Variants in SCAF8 observed in about 807,000 individuals in gnomAD.
SCAF8 encodes SR-related CTD associated factor 8, also known as SR-related and CTD-associated factor 8.
A neutral mutation model predicts 140.5 loss-of-function variants in SCAF8; 23 were observed. The ratio of observed to expected loss-of-function variants is 0.16; its 90% CI spans 0.12 to 0.23. The LOEUF (loss-of-function observed/expected upper bound fraction) is 0.23, where lower values mean the gene tolerates loss of function less well. Among genes scored for constraint, SCAF8 ranks in the 10% least tolerant of loss-of-function variants. The pLI is 1.00. For missense variants in SCAF8, 1,397 were observed against 1,555.7 expected, an observed-to-expected ratio of 0.90 and a Z score of 1.72; for synonymous variants, 575 against 528.9, an observed-to-expected ratio of 1.09 and a Z score of -1.20.
intron 3 of SCAF8, among the ~76,000 whole-genome samples, chr6:154,782,945 A>G (rs1034164963): frequency 7.2e-5 from 11 of 152,220 alleles, no homozygotes; most frequent in African/African-American, 2.7e-4. Context: ...TCACAGACAC[A>G]TCCAAGATCA....
intron 18 of SCAF8, 55 bp from the exon 19 acceptor site, chr6:154,830,867 T>G: frequency 7.4e-7 from 1 of 1,355,706 alleles, no homozygotes; most frequent in Non-Finnish European, 1.1e-6. Context: ...CCAGAAAACT[T>G]AGCACATGAA....
intron 12 of SCAF8, among the ~76,000 whole-genome samples, chr6:154,810,942 T>A (rs751215860): frequency 1.3e-5 from 2 of 152,176 alleles, no homozygotes; most frequent in Non-Finnish European, 2.9e-5. Flanking sequence ...TCTGAAGACT[T>A]CCACGTAAAT....
At chr6:154,782,835 T>A (rs1777124021) in intron 3 of SCAF8, among the ~76,000 whole-genome samples, 1 of 152,172 alleles carries the variant, frequency 6.6e-6, no homozygotes, top group African/African-American at 2.4e-5. Context: ...ACCTGCTCTA[T>A]ACTTGCTGGC....
intron 4 of SCAF8, among the ~76,000 whole-genome samples, chr6:154,789,498 T>C (rs186112080): frequency 6.6e-6 from 1 of 152,220 alleles, no homozygotes; most frequent in East Asian, 1.9e-4. Flanking sequence ...TGTTTTTAAT[T>C]ACCTTAGTAC....
At position 154,740,442 on chromosome 6, in the gene SCAF8, C is replaced by A. The variant is rs1397344587; in HGVS notation, c.30+6512C>A. Among the ~76,000 whole-genome samples the A allele has an allele frequency of 7.9e-5, 12 of 152,244 alleles. No individual in the cohort carries two copies. In the South Asian group the frequency reaches 2.3e-3, roughly 29 times the overall value. On this transcript the variant is annotated intron_variant, in intron 1 of 19. Transcript: ENST00000367178. ...TCTCCTGTTAAACTGTCTTAAAATACTGTGCTGTTTCTTCCAGTGATCATA... is the reference window on the plus strand; with the variant it reads ...TCTCCTGTTAAACTGTCTTAAAATAATGTGCTGTTTCTTCCAGTGATCATA...
At chr6:154,743,529 G>A (rs1026534371) in intron 1 of SCAF8, among the ~76,000 whole-genome samples, 6 of 152,138 alleles carry the variant, frequency 3.9e-5, no homozygotes, top group African/African-American at 1.4e-4. Flanking sequence ...TGAGAAATTT[G>A]ATGTCCTTTT....
chr6:154,787,794 G>T, intron 3 of SCAF8, 67 bp from the exon 4 acceptor site: 2 of 1,351,740 alleles, frequency 1.5e-6, no homozygotes, highest in South Asian at 2.6e-5. Context: ...GATTTTTGAT[G>T]ATTTTTGTCT....
chr6:154,789,850 T>A (rs1777363353), intron 4 of SCAF8, among the ~76,000 whole-genome samples: 1 of 152,236 alleles, frequency 6.6e-6, no homozygotes, highest in Non-Finnish European at 1.5e-5. Flanking sequence ...TGGCCTAGAA[T>A]GCTTCTTTTA....
At chr6:154,807,268 CTA>C (rs1562456329) in intron 9 of SCAF8, among the ~76,000 whole-genome samples, 2 of 152,114 alleles carry the variant, frequency 1.3e-5, no homozygotes, top group South Asian at 2.1e-4. Flanking sequence ...GTTAATTACT[CTA>C]TATATCAGTT....
chr6:154,763,920 G>C (rs543265164), intron 1 of SCAF8, among the ~76,000 whole-genome samples: 9 of 152,266 alleles, frequency 5.9e-5, no homozygotes, highest in Admixed American at 3.9e-4. Context: ...GAGACAGTAT[G>C]ACCTGCAAAG....
rs185904299 is a variant in SCAF8, at chr6:154,754,321, C to T, written c.31-19668C>T. On this transcript the variant is annotated intron_variant, in intron 1 of 19. Transcript: ENST00000367178. ...TGTTTTTAAAGTCTTCTTGGTTATT[C>T]GTTGGTGCTACTAAATGGTGTGTCA... Among the ~76,000 whole-genome samples the T allele has an allele frequency of 4.1e-3, 628 of 152,258 alleles. 5 individuals are homozygous for T. Among genetic ancestry groups the T allele is most frequent in the African/African-American group, 0.014 (567 of 41,548 alleles).
At chr6:154,820,770 C>T (rs1271944015) in intron 15 of SCAF8, among the ~76,000 whole-genome samples, 1 of 152,044 alleles carries the variant, frequency 6.6e-6, no homozygotes, top group Non-Finnish European at 1.5e-5. Flanking sequence ...ATGTTATATA[C>T]TTTCTGGGAT....
At chr6:154,816,285 CT>C (rs1189723288) in intron 13 of SCAF8, among the ~76,000 whole-genome samples, 1 of 152,174 alleles carries the variant, frequency 6.6e-6, no homozygotes, top group Non-Finnish European at 1.5e-5. Flanking sequence ...CTTTTACTCT[CT>C]TTTTTATCAA....
At position 154,824,288 on chromosome 6, in the gene SCAF8, G is replaced by A; in HGVS notation, c.1981G>A (p.Val661Met). 1 of 1,614,042 alleles carries A rather than the reference G, an allele frequency of 6.2e-7. No homozygotes were observed. Among genetic ancestry groups the A allele is most frequent in the Non-Finnish European group, 8.5e-7 (1 of 1,179,900 alleles). ...TVSLVPPAFP[V>M]SMPVPPPGFS... is the part of the protein sequence containing the mutation. The stretch of plus-strand genomic sequence containing the variant: ...TAGTTTAGTCCCACCAGCATTTCCT[G>A]TGTCGATGCCGGTTCCTCCTCCTGG... The change falls in exon 17 of 20, where the codon GTG becomes ATG. Residue 661 changes from valine to methionine, a missense_variant. Coordinates refer to ENST00000367178, the MANE Select transcript of SCAF8 (RefSeq NM_014892.5).
At chr6:154,770,369 T>TACACACACAC (rs1226898910) in intron 1 of SCAF8, among the ~76,000 whole-genome samples, 13 of 146,450 alleles carry the variant, frequency 8.9e-5, no homozygotes, top group Non-Finnish European at 1.8e-4. Flanking sequence ...GAGGTTGAGG[T>TACACACACAC]ACACACACAC....
At chr6:154,830,089 C>T (rs991783626) in intron 18 of SCAF8, among the ~76,000 whole-genome samples, 5 of 152,116 alleles carry the variant, frequency 3.3e-5, no homozygotes, top group Admixed American at 6.6e-5. Context: ...GGAAAATCTG[C>T]AGTTAATTAA....
chr6:154,831,986 C>T lies in SCAF8; in HGVS notation c.2407C>T (p.Pro803Ser), dbSNP rs1778754791. 6.2e-7 allele frequency: 1 copy of T among 1,611,400 alleles called. No individual in the cohort carries two copies. The highest frequency in any genetic ancestry group is 8.5e-7 in the Non-Finnish European group (1 of 1,178,908). ...TAATGCTGCAATTTTAGGAGGACAG[C>T]CGCCAAATGTGACAAGCAATTCTGG... ...SSNAAILGGQ[P>S]PNVTSNSGIL... The change falls in exon 20 of 20, where the codon CCG becomes TCG. Residue 803 changes from proline to serine, a missense_variant. By Grantham distance (74) the Pro-to-Ser change is moderately conservative. This residue lies in a region of SCAF8 where 930 missense variants were observed against 874.6 expected (regional missense o/e 1.06). Transcript: ENST00000367178.
intron 13 of SCAF8, 34 bp from the exon 14 acceptor site, chr6:154,818,445 T>C (rs764399973): frequency 1.2e-5 from 15 of 1,216,718 alleles, no homozygotes; most frequent in African/African-American, 3.0e-5. Flanking sequence ...GTTTCTGTTC[T>C]TATACCTTTT....
chr6:154,814,167 C>G (rs892841654), intron 12 of SCAF8, among the ~76,000 whole-genome samples: 1 of 152,068 alleles, frequency 6.6e-6, no homozygotes, highest in Non-Finnish European at 1.5e-5. Context: ...GCTAAAGATA[C>G]AACAAAAATT....
Sources: allele counts gnomAD v4.1 joint callset (sites outside exome capture counted in the v4.1 genomes callset), GRCh38; gene constraint gnomAD v4.1.1; regional missense constraint gnomAD v4.1.1; transcripts MANE v1.5; gene names NCBI Gene and HGNC (gene_info 2026-07-23, HGNC 2026-07-21).